ITFG1: variants seen among roughly 807,000 people sequenced by gnomAD.
ITFG1 encodes the protein integrin alpha FG-GAP repeat containing 1, also known as T-cell immunomodulatory protein.
ITFG1 carries 34 observed loss-of-function variants against 81.8 expected under a neutral mutation model. That is an observed-to-expected ratio of 0.42 (90% CI 0.32 to 0.55). The LOEUF is 0.55. ITFG1 is among the 20% of genes least tolerant of loss of function. The pLI is 0.17. For missense variants in ITFG1, 672 were observed against 755.4 expected, an observed-to-expected ratio of 0.89 and a Z score of 1.29; for synonymous variants, 285 against 270.6, an observed-to-expected ratio of 1.05 and a Z score of -0.52.
At chr16:47,373,348 T>A (rs576145928) in intron 7 of ITFG1, among the ~76,000 whole-genome samples, 1 of 152,152 alleles carries the variant, frequency 6.6e-6, no homozygotes, top group Non-Finnish European at 1.5e-5. Context: ...AGTGGTGCAA[T>A]CTCGGCTCAC....
chr16:47,254,494 G>C (rs1385850961), intron 12 of ITFG1, among the ~76,000 whole-genome samples: 1 of 152,056 alleles, frequency 6.6e-6, no homozygotes, highest in Admixed American at 6.5e-5. Flanking sequence ...ACCTCTGTGC[G>C]AGGGAAGAAC....
At chr16:47,276,511 A>G (rs1224028340) in intron 10 of ITFG1, among the ~76,000 whole-genome samples, 2 of 152,218 alleles carry the variant, frequency 1.3e-5, no homozygotes, top group African/African-American at 4.8e-5. Flanking sequence ...TTTTGGTCAA[A>G]TAAGAAAAAT....
intron 8 of ITFG1, among the ~76,000 whole-genome samples, chr16:47,343,853 A>C (rs1012702122): frequency 6.6e-6 from 1 of 152,194 alleles, no homozygotes; most frequent in South Asian, 2.1e-4. Context: ...TACTAAAAAT[A>C]AGTGAAAGCA....
At chr16:47,164,903 T>C (rs1046482736) in intron 14 of ITFG1, among the ~76,000 whole-genome samples, 15 of 152,324 alleles carry the variant, frequency 9.8e-5, no homozygotes, top group South Asian at 6.2e-4. Flanking sequence ...AGGATGGGAA[T>C]TGCTCCAAGA....
intron 8 of ITFG1, among the ~76,000 whole-genome samples, chr16:47,359,951 GA>G (rs1447638880): frequency 9.2e-5 from 14 of 152,108 alleles, no homozygotes; most frequent in Non-Finnish European, 1.5e-4. Flanking sequence ...AACTTCATGA[GA>G]ACAGGGTTTT....
chr16:47,288,576 T>A (rs764187956), intron 10 of ITFG1, among the ~76,000 whole-genome samples: 5 of 152,188 alleles, frequency 3.3e-5, no homozygotes, highest in Non-Finnish European at 5.9e-5. Context: ...TATAAGAGTT[T>A]CCCATTCTCT....
intron 6 of ITFG1, among the ~76,000 whole-genome samples, chr16:47,424,925 C>T (rs1969000208): frequency 6.6e-6 from 1 of 152,132 alleles, no homozygotes; most frequent in East Asian, 1.9e-4. Context: ...TGTGTCCGTT[C>T]TCGGAGTTGG....
At chr16:47,168,431 C>T (rs1026322694) in intron 14 of ITFG1, among the ~76,000 whole-genome samples, 13 of 152,022 alleles carry the variant, frequency 8.6e-5, no homozygotes, top group South Asian at 2.1e-4. Flanking sequence ...TGGAGTGCAG[C>T]GGCACAATCA....
At chr16:47,357,171 T>C (rs1199128766) in intron 8 of ITFG1, among the ~76,000 whole-genome samples, 1 of 152,162 alleles carries the variant, frequency 6.6e-6, no homozygotes, top group Non-Finnish European at 1.5e-5. Flanking sequence ...TTGTGGGTTA[T>C]ATTAGAAAGT....
At chr16:47,460,782 A>G in intron 1 of ITFG1, 56 bp downstream of exon 1, 1 of 1,579,368 alleles carries the variant, frequency 6.3e-7, no homozygotes, top group Non-Finnish European at 8.7e-7. Flanking sequence ...GGGTTTGGGG[A>G]ACACCGGGAG....
chr16:47,256,466 GCCTT>G (rs1336306212), intron 12 of ITFG1, among the ~76,000 whole-genome samples: 1 of 152,152 alleles, frequency 6.6e-6, no homozygotes, highest in African/African-American at 2.4e-5. Context: ...AGAATTTCTT[GCCTT>G]CTTATCTAGA....
chr16:47,292,154 C>T (rs1469176493), intron 10 of ITFG1, among the ~76,000 whole-genome samples: 1 of 152,060 alleles, frequency 6.6e-6, no homozygotes, highest in Non-Finnish European at 1.5e-5. Context: ...GCTGGGATTA[C>T]AGGCGCCCGC....
intron 11 of ITFG1, 48 bp from the exon 12 acceptor site, chr16:47,258,788 T>TA (rs745610941): frequency 4.8e-3 from 3,312 of 689,254 alleles, no homozygotes; most frequent in South Asian, 7.7e-3. Context: ...TTAGACCAAC[T>TA]AAAAAAAAAA....
chr16:47,243,201 TTAAC>T (rs938012774), intron 12 of ITFG1, among the ~76,000 whole-genome samples: 11 of 152,126 alleles, frequency 7.2e-5, no homozygotes, highest in Non-Finnish European at 1.3e-4. Context: ...AATTGCTTCT[TTAAC>T]TACTGAATAT....
chr16:47,459,721 C>T (rs1969500669), intron 1 of ITFG1, among the ~76,000 whole-genome samples: 1 of 152,206 alleles, frequency 6.6e-6, no homozygotes, highest in Non-Finnish European at 1.5e-5. Context: ...GCTCAATTAG[C>T]ACTCATTGAG....
intron 14 of ITFG1, among the ~76,000 whole-genome samples, chr16:47,200,457 T>TATCA (rs1965411759): frequency 6.6e-6 from 1 of 152,216 alleles, no homozygotes; most frequent in Non-Finnish European, 1.5e-5. Context: ...AAAGTGATGA[T>TATCA]GACAATGATT....
intron 17 of ITFG1, 137 bp downstream of exon 17, chr16:47,158,736 T>C: frequency 3.9e-6 from 2 of 513,276 alleles, no homozygotes; most frequent in Non-Finnish European, 7.0e-6. Context: ...AAAATGATGC[T>C]TTGAACAGAA....
At chr16:47,427,561 G>A (rs137948271) in intron 6 of ITFG1, among the ~76,000 whole-genome samples, 3 of 152,296 alleles carry the variant, frequency 2.0e-5, no homozygotes, top group Admixed American at 6.5e-5. Flanking sequence ...GGGAGGCGGA[G>A]GTTGCAGTGG....
chr16:47,191,674 A>G (rs1965294821), intron 14 of ITFG1, among the ~76,000 whole-genome samples: 1 of 152,012 alleles, frequency 6.6e-6, no homozygotes, highest in African/African-American at 2.4e-5. Context: ...ATACCCAGCT[A>G]ATTTTTTTGT....
Sources: allele counts gnomAD v4.1 joint callset (sites outside exome capture counted in the v4.1 genomes callset), GRCh38; gene constraint gnomAD v4.1.1; transcripts MANE v1.5; gene names NCBI Gene and HGNC (gene_info 2026-07-23, HGNC 2026-07-21).